Variants in PIK3CB observed in about 807,000 individuals in gnomAD.
The protein encoded by PIK3CB is phosphatidylinositol 4,5-bisphosphate 3-kinase catalytic subunit beta isoform.
In PIK3CB, 39 loss-of-function variants were observed where a neutral mutation model predicts 136.8. The ratio of observed to expected loss-of-function variants is 0.29; its 90% CI spans 0.22 to 0.37. The LOEUF is 0.37. PIK3CB is among the 10% of genes least tolerant of loss of function. PIK3CB has a pLI of 1.00. For synonymous variants in PIK3CB, 428 were observed against 436.6 expected (o/e 0.98, Z 0.25); for missense variants, 868 against 1,275.4 (o/e 0.68, Z 4.87).
chr3:138,710,833 C>T (rs1468076444), intron 10 of PIK3CB, among the ~76,000 whole-genome samples: 1 of 152,034 alleles, frequency 6.6e-6, no homozygotes, highest in Non-Finnish European at 1.5e-5. Flanking sequence ...GCCTGTAATC[C>T]CAGCACTCTG....
chr3:138,730,650 T>C (rs764588874), intron 8 of PIK3CB, among the ~76,000 whole-genome samples: 5 of 152,228 alleles, frequency 3.3e-5, no homozygotes, highest in Non-Finnish European at 5.9e-5. Context: ...TGGTCTGGCA[T>C]GGTGGCTTGT....
At chr3:138,722,508 G>A (rs1009219889) in intron 8 of PIK3CB, among the ~76,000 whole-genome samples, 1 of 151,898 alleles carries the variant, frequency 6.6e-6, no homozygotes, top group East Asian at 1.9e-4. Flanking sequence ...CAGTGTTCTG[G>A]TGATAAAGAC....
intron 8 of PIK3CB, among the ~76,000 whole-genome samples, chr3:138,720,318 A>C (rs991786045): frequency 6.6e-6 from 1 of 152,136 alleles, no homozygotes; most frequent in African/African-American, 2.4e-5. Context: ...ATTCCAACTT[A>C]CTGTTAATAC....
At chr3:138,693,277 G>A (rs1312807865) in intron 14 of PIK3CB, among the ~76,000 whole-genome samples, 1 of 151,974 alleles carries the variant, frequency 6.6e-6, no homozygotes, top group Non-Finnish European at 1.5e-5. Flanking sequence ...TGTATTTTTG[G>A]TAGAGACGGG....
intron 11 of PIK3CB, among the ~76,000 whole-genome samples, chr3:138,705,201 A>AAAAAAAT (rs2044354275): frequency 7.0e-6 from 1 of 142,200 alleles, no homozygotes; most frequent in Admixed American, 7.2e-5. Context: ...AAAAAAAAAA[A>AAAAAAAT]CTTATATTTG....
Position 138,784,744 on chromosome 3 carries a change from A to G in PIK3CB, c.-17+11719T>C, listed in dbSNP as rs573303352. Among the ~76,000 whole-genome samples the G allele has an allele frequency of 3.8e-3, 573 of 152,306 alleles. 5 individuals carry two copies. Among genetic ancestry groups the G allele is most frequent in the African/African-American group, 0.013 (550 of 41,566 alleles). Reference sequence around the variant, plus strand: ...GCTCACTCAGTGCTCAATCTTGCCCAGGCTGGAATGCAGTGGCGTGATCTC... The same window carrying G: ...GCTCACTCAGTGCTCAATCTTGCCCGGGCTGGAATGCAGTGGCGTGATCTC... On this transcript the variant is annotated intron_variant, in intron 2 of 23. Transcript: ENST00000674063.
chr3:138,770,523 C>T (rs1359191106), intron 2 of PIK3CB: 1 of 151,762 alleles, frequency 6.6e-6, no homozygotes, highest in Non-Finnish European at 1.5e-5. Context: ...TCCTGGCTAA[C>T]ACAGTGAAAC....
In PIK3CB at chr3:138,691,005, A is replaced by G. The variant is rs2043996057; in HGVS notation, c.2031T>C (p.His677=). The part of the protein sequence containing the change: ...NRRIGQFLFW[H]LRSEVHIPAV... ...GTAAAATATAAAAGACTTACCTAAG[A>G]TGCCAAAATAGAAACTGCCCTATCC... The change falls in exon 15 of 24, where the codon CAT becomes CAC. Residue 677 remains histidine (H), a synonymous_variant. Transcript: ENST00000674063. The G allele has an allele frequency of 6.2e-7, 1 of 1,610,346 alleles. No homozygotes were observed. Among genetic ancestry groups the G allele is most frequent in the African/African-American group, 1.3e-5 (1 of 74,764 alleles).
chr3:138,699,650 T>C (rs916352290), intron 12 of PIK3CB, among the ~76,000 whole-genome samples: 1 of 152,068 alleles, frequency 6.6e-6, no homozygotes, highest in East Asian at 1.9e-4. Flanking sequence ...GAATTACAAA[T>C]ATGAAAAGAC....
chr3:138,661,703 CA>C (rs2043298538), intron 21 of PIK3CB, among the ~76,000 whole-genome samples: 1 of 152,258 alleles, frequency 6.6e-6, no homozygotes, highest in South Asian at 2.1e-4. Context: ...CATTCCACAT[CA>C]ACTCTCAAAG....
At chr3:138,751,673 A>G (rs183913679) in intron 4 of PIK3CB, among the ~76,000 whole-genome samples, 2 of 152,210 alleles carry the variant, frequency 1.3e-5, no homozygotes, top group East Asian at 3.9e-4. Context: ...GAGGGTGTTA[A>G]AATCCTACAG....
At chr3:138,762,931 G>GAGTGAGAGT (rs2045681586) in intron 2 of PIK3CB, among the ~76,000 whole-genome samples, 1 of 152,000 alleles carries the variant, frequency 6.6e-6, no homozygotes, top group Admixed American at 6.6e-5. Flanking sequence ...CTGCACTCCA[G>GAGTGAGAGT]CCTGGGCAAC....
At chr3:138,765,301 A>G (rs2045718748) in intron 2 of PIK3CB, among the ~76,000 whole-genome samples, 1 of 152,128 alleles carries the variant, frequency 6.6e-6, no homozygotes, top group Admixed American at 6.6e-5. Context: ...TGGATGACAG[A>G]GCAAGACTCC....
chr3:138,747,075 TATATATATATATA>T (rs2045372733), intron 4 of PIK3CB, among the ~76,000 whole-genome samples: 1 of 49,534 alleles, frequency 2.0e-5, no homozygotes, highest in Non-Finnish European at 3.9e-5. Flanking sequence ...TATATATATA[TATATATATATATA>T]TATATATATA....
Position 138,663,979 on chromosome 3 carries a change from T to C in PIK3CB, c.2723A>G (p.Tyr908Cys). The C allele has an allele frequency of 1.2e-6, 2 of 1,614,064 alleles. No homozygotes were observed. Among genetic ancestry groups the C allele is most frequent in the Non-Finnish European group, 1.7e-6 (2 of 1,179,956 alleles). The change falls in exon 21 of 24, where the codon TAC (tyrosine) becomes TGC (cysteine). Residue 908 changes from tyrosine (Y) to cysteine (C), a missense_variant. Tyr to Cys is a radical substitution (Grantham distance 194). This residue lies in a region of PIK3CB where 165 missense variants were observed against 295.4 expected (regional missense o/e 0.56). Transcript: ENST00000674063. The part of the protein sequence containing the change: ...IEEFTLSCAG[Y>C]CVASYVLGIG... ...CCCAAGGACATAAGAAGCTACACAG[T>C]AGCCAGCACAGGACAGTGTAAATTC...
chr3:138,708,315 CA>C (rs2044423225), intron 10 of PIK3CB, among the ~76,000 whole-genome samples: 1 of 138,826 alleles, frequency 7.2e-6, no homozygotes, highest in Non-Finnish European at 1.5e-5. Flanking sequence ...GGTTGGGGTG[CA>C]GTGGCATGAT....
intron 19 of PIK3CB, among the ~76,000 whole-genome samples, chr3:138,668,065 T>A (rs1486984984): frequency 6.6e-6 from 1 of 151,742 alleles, no homozygotes; most frequent in Non-Finnish European, 1.5e-5. Context: ...CAAAACTCCA[T>A]CTCAGAAAAA....
intron 21 of PIK3CB, among the ~76,000 whole-genome samples, chr3:138,661,133 C>T (rs1250810111): frequency 6.6e-6 from 1 of 152,212 alleles, no homozygotes; most frequent in African/African-American, 2.4e-5. Flanking sequence ...CCGACTTTCA[C>T]TCCATCTCCA....
intron 7 of PIK3CB, among the ~76,000 whole-genome samples, chr3:138,734,173 C>G (rs1458092142): frequency 6.6e-6 from 1 of 152,042 alleles, no homozygotes; most frequent in Non-Finnish European, 1.5e-5. Flanking sequence ...ATATTACATT[C>G]TGAAAAACAA....
Sources: gnomAD v4.1 joint callset for allele counts (sites outside exome capture counted in the v4.1 genomes callset) on GRCh38, gnomAD v4.1.1 for gene constraint, gnomAD v4.1.1 regional missense constraint, MANE v1.5 for transcripts, NCBI Gene and HGNC (gene_info 2026-07-23, HGNC 2026-07-21) for gene names.